ROM1: variants seen among roughly 807,000 people sequenced by gnomAD.
The protein encoded by ROM1 is retinal outer segment membrane protein 1, also known as rod outer segment membrane protein 1.
Under a neutral mutation model 23.0 loss-of-function variants are expected in ROM1, and 17 were observed. The observed-to-expected ratio is 0.74, with a 90% CI of 0.51 to 1.11. The LOEUF (loss-of-function observed/expected upper bound fraction) is 1.11, where lower values mean the gene tolerates loss of function less well. ROM1 is among the 50% of genes least tolerant of loss of function. The pLI, the probability that ROM1 is intolerant of heterozygous loss-of-function variation, is 0.00. For synonymous variants in ROM1, 200 were observed against 206.5 expected, an observed-to-expected ratio of 0.97 and a Z score of 0.27; for missense variants, 436 against 439.7, an observed-to-expected ratio of 0.99 and a Z score of 0.08.
Position 62,615,110 on chromosome 11 carries a change from G to A in ROM1, c.*271G>A, listed in dbSNP as rs1042216520. Reference sequence around the variant, plus strand: ...TGATATAGACTCAATAAAGTTTTTGGATGGAAGCAATTGCTTTTTCTTGTC... The same window carrying A: ...TGATATAGACTCAATAAAGTTTTTGAATGGAAGCAATTGCTTTTTCTTGTC... On this transcript the variant is annotated 3_prime_UTR_variant, in exon 3 of 3. Coordinates refer to ENST00000278833, the MANE Select transcript of ROM1 (RefSeq NM_000327.4). The A allele has an allele frequency of 2.0e-6, 1 of 496,930 alleles. No homozygotes were observed. Among genetic ancestry groups the A allele is most frequent in the Admixed American group, 3.4e-5 (1 of 29,198 alleles). The allele number at this position is 496,930 out of a possible 1,614,324, so 30.8% of individuals were successfully genotyped here.
intron 1 of ROM1, among the ~76,000 whole-genome samples, 169 bp from the exon 2 acceptor site, chr11:62,614,089 T>C (rs1331292996): frequency 6.6e-6 from 1 of 152,074 alleles, no homozygotes; most frequent in Non-Finnish European, 1.5e-5. Flanking sequence ...TAATAGTACT[T>C]ATCTGATAGA....
In ROM1 at chr11:62,613,842, C is replaced by G. The variant is rs1046975993; in HGVS notation, c.561C>G (p.Tyr187Ter). The change falls in exon 1 of 3, where the codon TAC (tyrosine) becomes TAG (stop). Residue 187 changes from tyrosine to a stop codon, truncating the protein, a stop_gained. Coordinates refer to ENST00000278833, the MANE Select transcript of ROM1 (RefSeq NM_000327.4). LOFTEE classifies it high-confidence loss of function. ...WFGVQWVSSRYLDPGDRDVAD... is the reference protein window; with the variant it reads ...WFGVQWVSSR ...GGGTCCAGTGGGTCAGCAGCCGTTA[C>G]CTGGATCCCGGTGACCGGGATGTGG... The G allele has an allele frequency of 6.2e-7, 1 of 1,613,934 alleles. No homozygotes were observed. The highest frequency in any genetic ancestry group is 8.5e-7 in the Non-Finnish European group (1 of 1,179,974).
chr11:62,613,809 T>C lies in ROM1; in HGVS notation c.528T>C (p.Asp176=), dbSNP rs1565072670. Residue 176 remains aspartate, a synonymous_variant, in exon 1 of 3, where the codon GAT becomes GAC. Coordinates refer to ENST00000278833, the MANE Select transcript of ROM1 (RefSeq NM_000327.4). ...YHCCGRHGYK[D]WFGVQWVSSR... ...GCTGCGGGCGCCACGGGTACAAGGATTGGTTTGGGGTCCAGTGGGTCAGCA... is the reference window on the plus strand; with the variant it reads ...GCTGCGGGCGCCACGGGTACAAGGACTGGTTTGGGGTCCAGTGGGTCAGCA... 2 of 1,614,072 alleles carry C rather than the reference T, an allele frequency of 1.2e-6. No individual in the cohort carries two copies. The highest frequency in any genetic ancestry group is 1.7e-6 in the Non-Finnish European group (2 of 1,179,988).
In ROM1 at chr11:62,613,321, C is replaced by G; in HGVS notation, c.40C>G (p.Arg14Gly). The change falls in exon 1 of 3, where the codon CGC becomes GGC. Residue 14 changes from arginine (R) to glycine (G), a missense_variant. Arg to Gly is a moderately radical substitution (Grantham distance 125, BLOSUM62 -2). Coordinates refer to ENST00000278833, the MANE Select transcript of ROM1 (RefSeq NM_000327.4). ...GCCCCTGGTGCTGCCCCTGCAGCCC[C>G]GCATCCGCCTGGCACAAGGGCTCTG... ...VLPLVLPLQPRIRLAQGLWLL... is the reference protein window; with the variant it reads ...VLPLVLPLQPGIRLAQGLWLL... 1 of 1,611,814 alleles carries G rather than the reference C, an allele frequency of 6.2e-7. No individual in the cohort carries two copies. Among genetic ancestry groups the G allele is most frequent in the Non-Finnish European group, 8.5e-7 (1 of 1,179,534 alleles).
intron 2 of ROM1, 58 bp downstream of exon 2, chr11:62,614,562 C>G: frequency 1.2e-5 from 19 of 1,614,180 alleles, no homozygotes; most frequent in Non-Finnish European, 1.6e-5. Flanking sequence ...CTGCCTCCAA[C>G]CCTGGGCCTC....
rs749190938 is a variant in ROM1 at position 62,614,638 on chromosome 11, C to G, written c.855C>G (p.Gly285=). Residue 285 remains glycine (G), a synonymous_variant, in exon 3 of 3, where the codon GGC becomes GGG. Coordinates refer to ENST00000278833, the MANE Select transcript of ROM1 (RefSeq NM_000327.4). ...TFLLQALVLL[G]LRYLQTALEG... ...CCCCACAGGCTCTGGTGCTCCTTGGCCTGCGGTACCTGCAAACAGCACTGG... is the reference window on the plus strand; with the variant it reads ...CCCCACAGGCTCTGGTGCTCCTTGGGCTGCGGTACCTGCAAACAGCACTGG... 1 of 1,614,172 alleles carries G rather than the reference C, an allele frequency of 6.2e-7. No individual in the cohort carries two copies. Among genetic ancestry groups the G allele is most frequent in the Non-Finnish European group, 8.5e-7 (1 of 1,180,026 alleles).
Position 62,614,660 on chromosome 11 carries a change from C to G in ROM1, c.877C>G (p.Leu293Val), listed in dbSNP as rs760890063. ...TGGCCTGCGGTACCTGCAAACAGCA[C>G]TGGAGGGGCTTGGAGGGGTCATTGA... ...LLGLRYLQTALEGLGGVIDAG... is the reference protein window; with the variant it reads ...LLGLRYLQTAVEGLGGVIDAG... Residue 293 changes from leucine to valine, a missense_variant, in exon 3 of 3, where the codon CTG (leucine) becomes GTG (valine). Transcript: ENST00000278833. 1.2e-6 allele frequency: 2 copies of G among 1,614,250 alleles called. No homozygotes were observed. The highest frequency in any genetic ancestry group is 1.7e-6 in the Non-Finnish European group (2 of 1,180,036).
rs1324556813 is a variant in ROM1 at position 62,613,635 on chromosome 11, C to T, written c.354C>T (p.Gly118=). 1 of 1,613,374 alleles carries T rather than the reference C, an allele frequency of 6.2e-7. No individual in the cohort carries two copies. The highest frequency in any genetic ancestry group is 8.5e-7 in the Non-Finnish European group (1 of 1,179,842). The stretch of plus-strand genomic sequence containing the variant: ...GTGGGGGGGGGCTCCTGGTCGTCGG[C>T]CTCGGGCTAGCCCTGGCTTTGCCTG... ...TAGGGGLLVV[G]LGLALALPGS... Residue 118 remains glycine (G), a synonymous_variant, in exon 1 of 3, where the codon GGC becomes GGT. Transcript: ENST00000278833.
chr11:62,614,175 C>T lies in ROM1; in HGVS notation c.591-83C>T. ...AGTAAATGTTTTACTATTCTTTTTC[C>T]CTTCTGAACACCTGTGCCCTTCAGT... On this transcript the variant is annotated intron_variant, in intron 1 of 2. Coordinates refer to ENST00000278833, the MANE Select transcript of ROM1 (RefSeq NM_000327.4). 6 of 1,520,332 alleles carry T rather than the reference C, an allele frequency of 3.9e-6. No individual in the cohort carries two copies. In the South Asian group the frequency reaches 6.8e-5, roughly 17 times the overall value. 94.2% of individuals were successfully genotyped at this position (1,520,332 alleles called of 1,614,324 possible). A position where few individuals can be genotyped will look rare whatever the true frequency, so the allele number is the denominator to read the frequency against.
At position 62,613,858 on chromosome 11, in the gene ROM1, C is replaced by A. The variant is rs754473229; in HGVS notation, c.577C>A (p.Arg193=). 4.5e-5 allele frequency: 73 copies of A among 1,613,880 alleles called. No individual in the cohort carries two copies. The highest frequency in any genetic ancestry group is 6.1e-5 in the Non-Finnish European group (72 of 1,179,910). Residue 193 remains arginine (R), a synonymous_variant, in exon 1 of 3, where the codon CGG becomes AGG. Coordinates refer to ENST00000278833, the MANE Select transcript of ROM1 (RefSeq NM_000327.4). ...CAGCCGTTACCTGGATCCCGGTGACCGGGATGTGGCTGAGTGAGTGATTTG... is the reference window on the plus strand; with the variant it reads ...CAGCCGTTACCTGGATCCCGGTGACAGGGATGTGGCTGAGTGAGTGATTTG... ...VSSRYLDPGD[R]DVADRIQSNV... is the part of the protein sequence containing the mutation.
At position 62,614,693 on chromosome 11, in the gene ROM1, G is replaced by A. The variant is rs2134424426; in HGVS notation, c.910G>A (p.Gly304Arg). 4 of 1,614,208 alleles carry A rather than the reference G, an allele frequency of 2.5e-6. No individual in the cohort carries two copies. Among genetic ancestry groups the A allele is most frequent in the Non-Finnish European group, 3.4e-6 (4 of 1,180,010 alleles). Residue 304 changes from glycine to arginine, a missense_variant, in exon 3 of 3, where the codon GGA becomes AGA. By Grantham distance (125) the Gly-to-Arg change is moderately radical (BLOSUM62 -2). Transcript: ENST00000278833. ...EGLGGVIDAG[G>R]ETQGYLFPSG... ...GCTTGGAGGGGTCATTGATGCGGGA[G>A]GAGAGACCCAGGGCTATCTCTTTCC... is the stretch of plus-strand genomic sequence containing the variant.
rs1204988981 is a variant in ROM1, at chr11:62,614,334, C to T, written c.667C>T (p.Arg223Trp). ...CTCCTGTTGCAACCCCCACTCACCCCGGCCTTGCCTGCAAAACCGTCTTTC... is the reference window on the plus strand; with the variant it reads ...CTCCTGTTGCAACCCCCACTCACCCTGGCCTTGCCTGCAAAACCGTCTTTC... ...PFSCCNPHSP[R>W]PCLQNRLSDS... The change falls in exon 2 of 3, where the codon CGG becomes TGG. Residue 223 changes from arginine (R) to tryptophan (W), a missense_variant. Physicochemically the swap from Arg to Trp is moderately radical, Grantham distance 101. Coordinates refer to ENST00000278833, the MANE Select transcript of ROM1 (RefSeq NM_000327.4). 7.4e-6 allele frequency: 12 copies of T among 1,613,988 alleles called. No individual in the cohort carries two copies. The highest frequency in any genetic ancestry group is 6.7e-5 in the African/African-American group (5 of 74,908).
chr11:62,614,252 T>C lies in ROM1; in HGVS notation c.591-6T>C. ...CATCCTAACCCCTCTGTCCCTCCCTTTGCAGCCGGATCCAGAGCAATGTAG... is the reference window on the plus strand; with the variant it reads ...CATCCTAACCCCTCTGTCCCTCCCTCTGCAGCCGGATCCAGAGCAATGTAG... On this transcript the variant is annotated splice_polypyrimidine_tract_variant and splice_region_variant and intron_variant, in intron 1 of 2. Coordinates refer to ENST00000278833, the MANE Select transcript of ROM1 (RefSeq NM_000327.4). The C allele has an allele frequency of 1.2e-5, 19 of 1,614,084 alleles. No individual in the cohort carries two copies. Among genetic ancestry groups the C allele is most frequent in the Non-Finnish European group, 1.6e-5 (19 of 1,179,988 alleles).
In ROM1 at chr11:62,613,737, C is replaced by T. The variant is rs865901812; in HGVS notation, c.456C>T (p.His152=). The T allele has an allele frequency of 6.2e-7, 1 of 1,614,208 alleles. No individual in the cohort carries two copies. The highest frequency in any genetic ancestry group is 8.5e-7 in the Non-Finnish European group (1 of 1,180,036). The change falls in exon 1 of 3, where the codon CAC becomes CAT. Residue 152 remains histidine (H), a synonymous_variant. Transcript: ENST00000278833. ...ACAAGGACACAGAGGTGCCTGGGCA[C>T]TGTCAGGCCAAAAGGCTGGTGGATG... ...AHYKDTEVPG[H]CQAKRLVDEL...
Position 62,613,615 on chromosome 11 carries a change from G to A in ROM1, c.334G>A (p.Gly112Arg), listed in dbSNP as rs752310749. Residue 112 changes from glycine (G) to arginine (R), a missense_variant, in exon 1 of 3, where the codon GGG becomes AGG. Physicochemically the swap from Gly to Arg is moderately radical, Grantham distance 125. Transcript: ENST00000278833. ...GCTGGTGGCTGGCACGGCTGGTGGG[G>A]GGGGGCTCCTGGTCGTCGGCCTCGG... is the stretch of plus-strand genomic sequence containing the variant. ...PLLVAGTAGG[G>R]GLLVVGLGLA... is the part of the protein sequence containing the mutation. The A allele has an allele frequency of 5.0e-6, 8 of 1,612,262 alleles. No homozygotes were observed. The highest frequency in any genetic ancestry group is 6.8e-6 in the Non-Finnish European group (8 of 1,179,514).
chr11:62,613,867 G>A lies in ROM1; in HGVS notation c.586G>A (p.Ala196Thr), dbSNP rs1265901985. Residue 196 changes from alanine (A) to threonine (T), a missense_variant, in exon 1 of 3, where the codon GCT (alanine) becomes ACT (threonine). Coordinates refer to ENST00000278833, the MANE Select transcript of ROM1 (RefSeq NM_000327.4). ...RYLDPGDRDV[A>T]DRIQSNVEGL... ...CCTGGATCCCGGTGACCGGGATGTG[G>A]CTGAGTGAGTGATTTGCGTCTCCCT... The A allele has an allele frequency of 6.2e-7, 1 of 1,613,778 alleles. No individual in the cohort carries two copies. The highest frequency in any genetic ancestry group is 1.7e-5 in the Admixed American group (1 of 60,026).
rs1458291914 is a variant in ROM1, at chr11:62,615,101, A to T, written c.*262A>T. On this transcript the variant is annotated 3_prime_UTR_variant, in exon 3 of 3. Coordinates refer to ENST00000278833, the MANE Select transcript of ROM1 (RefSeq NM_000327.4). ...GGCTGATTCTGATATAGACTCAATA[A>T]AGTTTTTGGATGGAAGCAATTGCTT... The T allele has an allele frequency of 1.2e-5, 6 of 506,818 alleles. No homozygotes were observed. Among genetic ancestry groups the T allele is most frequent in the Non-Finnish European group, 1.1e-5 (3 of 281,506 alleles). The allele number at this position is 506,818 out of a possible 1,614,324, so 31.4% of individuals were successfully genotyped here.
intron 2 of ROM1, 26 bp downstream of exon 2, chr11:62,614,530 T>C: frequency 6.2e-7 from 1 of 1,613,918 alleles, no homozygotes; most frequent in Non-Finnish European, 8.5e-7. Context: ...ATCTGACACC[T>C]CCTCCCACCC....
chr11:62,613,861 G>A lies in ROM1; in HGVS notation c.580G>A (p.Asp194Asn). Residue 194 changes from aspartate (D) to asparagine (N), a missense_variant, in exon 1 of 3, where the codon GAT (aspartate) becomes AAT (asparagine). Physicochemically the swap from Asp to Asn is conservative, Grantham distance 23. Coordinates refer to ENST00000278833, the MANE Select transcript of ROM1 (RefSeq NM_000327.4). ...SSRYLDPGDR[D>N]VADRIQSNVE... Reference sequence around the variant, plus strand: ...CCGTTACCTGGATCCCGGTGACCGGGATGTGGCTGAGTGAGTGATTTGCGT... The same window carrying A: ...CCGTTACCTGGATCCCGGTGACCGGAATGTGGCTGAGTGAGTGATTTGCGT... 1 of 1,613,880 alleles carries A rather than the reference G, an allele frequency of 6.2e-7. No homozygotes were observed. Among genetic ancestry groups the A allele is most frequent in the Admixed American group, 1.7e-5 (1 of 60,022 alleles).
Sources: gnomAD v4.1 joint callset for allele counts (sites outside exome capture counted in the v4.1 genomes callset) on GRCh38, gnomAD v4.1.1 for gene constraint, MANE v1.5 for transcripts, NCBI Gene and HGNC (gene_info 2026-07-23, HGNC 2026-07-21) for gene names.